Variants in TBC1D22A observed in about 807,000 individuals in gnomAD.
The protein encoded by TBC1D22A is putative GTPase activator.
Under a neutral mutation model 60.2 loss-of-function variants are expected in TBC1D22A, and 38 were observed. The observed-to-expected ratio is 0.63, with a 90% CI of 0.49 to 0.83. The LOEUF (loss-of-function observed/expected upper bound fraction) is 0.83. Ranked by LOEUF, TBC1D22A falls within the 40% of genes least tolerant of loss-of-function variation. The pLI is 0.00. For missense variants in TBC1D22A, 628 were observed against 701.0 expected, an observed-to-expected ratio of 0.90 and a Z score of 1.18; for synonymous variants, 302 against 281.7, an observed-to-expected ratio of 1.07 and a Z score of -0.72.
At chr22:47,137,100 T>A (rs1168755608) in intron 12 of TBC1D22A, among the ~76,000 whole-genome samples, 13 of 152,178 alleles carry the variant, frequency 8.5e-5, no homozygotes, top group Non-Finnish European at 1.9e-4. Context: ...TCGTGCCGTC[T>A]CGTGATCCAC....
chr22:46,978,800 G>A (rs559761922), intron 9 of TBC1D22A, among the ~76,000 whole-genome samples: 13 of 152,128 alleles, frequency 8.5e-5, no homozygotes, highest in African/African-American at 3.1e-4. Flanking sequence ...TTAGAGACAG[G>A]GTTTCACTGT....
At chr22:47,119,368 C>T (rs920008892) in intron 12 of TBC1D22A, among the ~76,000 whole-genome samples, 5 of 152,220 alleles carry the variant, frequency 3.3e-5, no homozygotes, top group African/African-American at 1.2e-4. Flanking sequence ...ACATGGCTCC[C>T]AGCACCCTGT....
intron 11 of TBC1D22A, among the ~76,000 whole-genome samples, chr22:47,101,635 T>C (rs1036619435): frequency 6.6e-6 from 1 of 152,180 alleles, no homozygotes; most frequent in Non-Finnish European, 1.5e-5. Context: ...GATTGTGTGT[T>C]GGGGTTTTTC....
intron 4 of TBC1D22A, among the ~76,000 whole-genome samples, chr22:46,877,405 C>T (rs1013469507): frequency 6.6e-6 from 1 of 152,176 alleles, no homozygotes; most frequent in Non-Finnish European, 1.5e-5. Flanking sequence ...AGCTTTTTCT[C>T]GTAAACCATA....
chr22:46,866,619 G>A (rs909920054), intron 4 of TBC1D22A, among the ~76,000 whole-genome samples: 5 of 152,244 alleles, frequency 3.3e-5, no homozygotes, highest in Non-Finnish European at 7.3e-5. Context: ...ATCATGAAGC[G>A]GTGGAGAAAT....
chr22:46,846,959 G>A (rs1327938796), intron 4 of TBC1D22A, among the ~76,000 whole-genome samples: 3 of 152,306 alleles, frequency 2.0e-5, no homozygotes, highest in East Asian at 1.9e-4. Flanking sequence ...TGCTGGTGCC[G>A]TCGAGAGACT....
intron 1 of TBC1D22A, among the ~76,000 whole-genome samples, chr22:46,781,140 G>GT (rs377531996): frequency 0.61 from 78,089 of 128,930 alleles, 23,812 homozygotes; most frequent in Middle Eastern, 0.75. Flanking sequence ...TCCCAATTTT[G>GT]TTTTTTTTTT....
intron 11 of TBC1D22A, among the ~76,000 whole-genome samples, chr22:47,087,706 C>G (rs1291799186): frequency 6.6e-6 from 1 of 152,034 alleles, no homozygotes; most frequent in Non-Finnish European, 1.5e-5. Context: ...ACCACAAATT[C>G]TAACAAATTC....
chr22:47,041,680 C>T (rs768976364), intron 11 of TBC1D22A, among the ~76,000 whole-genome samples: 54 of 152,206 alleles, frequency 3.5e-4, no homozygotes, highest in African/African-American at 1.1e-3. Context: ...CTGGGCGAGC[C>T]GAGTTTCCGA....
chr22:47,090,867 C>T (rs1215450505), intron 11 of TBC1D22A, among the ~76,000 whole-genome samples: 1 of 76,680 alleles, frequency 1.3e-5, no homozygotes, highest in Non-Finnish European at 2.4e-5. Flanking sequence ...GGAGTGGCCT[C>T]GCAGAGGGGT....
chr22:47,073,964 T>C (rs2064108123), intron 11 of TBC1D22A, among the ~76,000 whole-genome samples: 3 of 152,218 alleles, frequency 2.0e-5, no homozygotes, highest in African/African-American at 7.2e-5. Flanking sequence ...CTGATCTCTC[T>C]ACAAAAATTA....
Position 46,912,089 on chromosome 22 carries a change from T to C in TBC1D22A, c.916T>C (p.Leu306=), listed in dbSNP as rs2069969644. The part of the protein sequence containing the change: ...PKVTEIFERI[L]FIWAIRHPAS... ...TTTCTTTCAGATTTTTGAAAGGATC[T>C]TGTTCATATGGGCGATCCGCCACCC... The change falls in exon 8 of 13, where the codon TTG becomes CTG. Residue 306 remains leucine (L), a synonymous_variant. Coordinates refer to ENST00000337137, the MANE Select transcript of TBC1D22A (RefSeq NM_014346.5). 1.2e-6 allele frequency: 2 copies of C among 1,613,338 alleles called. No homozygotes were observed. Among genetic ancestry groups the C allele is most frequent in the African/African-American group, 2.7e-5 (2 of 74,942 alleles).
At chr22:46,879,415 T>A (rs1357493878) in intron 5 of TBC1D22A, among the ~76,000 whole-genome samples, 2 of 152,198 alleles carry the variant, frequency 1.3e-5, no homozygotes, top group Non-Finnish European at 2.9e-5. Flanking sequence ...AGTTTTCTTC[T>A]CTTTTCCTTT....
intron 4 of TBC1D22A, among the ~76,000 whole-genome samples, chr22:46,845,444 G>A (rs1271001007): frequency 1.3e-5 from 2 of 152,170 alleles, no homozygotes; most frequent in Non-Finnish European, 2.9e-5. Flanking sequence ...TGCGGTTACC[G>A]TAGTAATATT....
intron 8 of TBC1D22A, among the ~76,000 whole-genome samples, chr22:46,940,966 A>AATAT (rs748041392): frequency 7.4e-6 from 1 of 135,812 alleles, no homozygotes; most frequent in East Asian, 2.2e-4. Flanking sequence ...GAGGCACTAG[A>AATAT]ATATATATAT....
At chr22:47,114,292 G>T (rs2065953060) in intron 12 of TBC1D22A, among the ~76,000 whole-genome samples, 1 of 152,038 alleles carries the variant, frequency 6.6e-6, no homozygotes, top group African/African-American at 2.4e-5. Flanking sequence ...GGGGTGGAGT[G>T]CACACTCTGA....
chr22:46,863,917 C>G (rs554667800), intron 4 of TBC1D22A, among the ~76,000 whole-genome samples: 5 of 152,138 alleles, frequency 3.3e-5, no homozygotes, highest in African/African-American at 9.7e-5. Flanking sequence ...GCCTTCTCTG[C>G]GAGGCCTTCT....
At chr22:46,939,735 A>T (rs954142353) in intron 8 of TBC1D22A, among the ~76,000 whole-genome samples, 3 of 152,256 alleles carry the variant, frequency 2.0e-5, no homozygotes, top group African/African-American at 7.2e-5. Flanking sequence ...CAATGAAAAT[A>T]TGGGAGAAAT....
At chr22:46,977,137 G>T (rs564649918) in intron 9 of TBC1D22A, among the ~76,000 whole-genome samples, 3 of 152,178 alleles carry the variant, frequency 2.0e-5, no homozygotes. Flanking sequence ...CCACGTTGAC[G>T]GCTCTGGGAT....
Sources: allele counts gnomAD v4.1 joint callset (sites outside exome capture counted in the v4.1 genomes callset), GRCh38; gene constraint gnomAD v4.1.1; transcripts MANE v1.5; gene names NCBI Gene and HGNC (gene_info 2026-07-23, HGNC 2026-07-21).